Variants in STPG2 observed in about 807,000 individuals in gnomAD.
STPG2 encodes sperm-tail PG-rich repeat-containing protein 2.
A neutral mutation model predicts 54.2 loss-of-function variants in STPG2; 56 were observed. The ratio of observed to expected loss-of-function variants is 1.03; its 90% CI spans 0.83 to 1.29. The LOEUF is 1.29. Among genes scored for constraint, STPG2 ranks in the 50% most tolerant of loss-of-function variants. STPG2 has a pLI of 0.00. For missense variants in STPG2, 596 were observed against 544.9 expected, an observed-to-expected ratio of 1.09 and a Z score of -0.93; for synonymous variants, 200 against 181.8, an observed-to-expected ratio of 1.10 and a Z score of -0.81.
chr4:97,535,995 T>C (rs369972202), intron 4 of STPG2, among the ~76,000 whole-genome samples: 1 of 152,106 alleles, frequency 6.6e-6, no homozygotes, highest in Non-Finnish European at 1.5e-5. Flanking sequence ...AGACAGGGCC[T>C]GGCTATGTTT....
chr4:97,929,951 G>A lies in STPG2; in HGVS notation c.1044+13946C>T, dbSNP rs148660404. On this transcript the variant is annotated intron_variant, in intron 8 of 10. Transcript: ENST00000295268. ...AGTTTTACCCTATCACCAGGCTGGA[G>A]TGCACTGGCATGATCTCAGCTCACT... Among the ~76,000 whole-genome samples, 651 of 152,184 alleles carry A rather than the reference G, an allele frequency of 4.3e-3. 5 individuals carry two copies. The highest frequency in any genetic ancestry group is 6.6e-3 in the Non-Finnish European group (447 of 68,000).
rs1730709465 is a variant in STPG2, at chr4:97,890,003, AGG to A, written c.1045-49073_1045-49072del. ...AATTTGAAATACATTAGAAGATAAAAGGAAAATTAAAGACATAAGGAGCTATT... is the reference window on the plus strand; with the variant it reads ...AATTTGAAATACATTAGAAGATAAAAAAAATTAAAGACATAAGGAGCTATT... On this transcript the variant is annotated intron_variant, in intron 8 of 10. Coordinates refer to ENST00000295268, the MANE Select transcript of STPG2 (RefSeq NM_174952.3). 3.3e-5 allele frequency among the ~76,000 whole-genome samples: 5 copies of A among 152,318 alleles called. No individual in the cohort carries two copies. In the South Asian group the frequency reaches 1.0e-3, roughly 32 times the overall value.
intron 10 of STPG2, among the ~76,000 whole-genome samples, chr4:97,671,614 CATCA>C (rs1257312680): frequency 3.9e-5 from 6 of 152,170 alleles, no homozygotes. Context: ...AACATGCAGA[CATCA>C]ATCATTCAAT....
At chr4:98,116,532 A>G (rs747465661) in intron 3 of STPG2, among the ~76,000 whole-genome samples, 5 of 151,880 alleles carry the variant, frequency 3.3e-5, no homozygotes, top group Non-Finnish European at 7.4e-5. Context: ...CTTGTCCGTC[A>G]CCTTGGGGAG....
chr4:97,528,896 G>C (rs1731349628), intron 4 of STPG2, among the ~76,000 whole-genome samples: 1 of 152,164 alleles, frequency 6.6e-6, no homozygotes, highest in South Asian at 2.1e-4. Flanking sequence ...AGATGATGGA[G>C]TTTTCTAAAT....
chr4:98,109,390 A>C (rs1739281766), intron 3 of STPG2, 85 bp from the exon 4 acceptor site: 1 of 991,956 alleles, frequency 1.0e-6, no homozygotes, highest in Non-Finnish European at 1.5e-6. Context: ...CCTAAGTCTA[A>C]ATCTAAAGCA....
intron 5 of STPG2, among the ~76,000 whole-genome samples, chr4:98,053,192 TA>T (rs1179147627): frequency 6.6e-6 from 1 of 152,104 alleles, no homozygotes; most frequent in African/African-American, 2.4e-5. Flanking sequence ...AAAAAATAAT[TA>T]AAGTGGTATA....
At chr4:97,628,578 A>G (rs918165114) in intron 10 of STPG2, among the ~76,000 whole-genome samples, 6 of 152,136 alleles carry the variant, frequency 3.9e-5, no homozygotes, top group African/African-American at 1.4e-4. Context: ...TTAGCAATTA[A>G]TGTGTTACTA....
rs189473264 is a variant in STPG2 at position 97,446,487 on chromosome 4, G to A, written c.463-258654C>T. On this transcript the variant is annotated intron_variant, in intron 4 of 4. Transcript: ENST00000522676. ...TTAACTTATGGATTATAAAAATGTA[G>A]TAACCATATAACTTAGGGAGGACAG... is the stretch of plus-strand genomic sequence containing the variant. 1.1e-3 allele frequency among the ~76,000 whole-genome samples: 175 copies of A among 152,292 alleles called. 1 individual carries two copies. Among genetic ancestry groups the A allele is most frequent in the Admixed American group, 6.5e-3 (99 of 15,290 alleles).
chr4:97,945,239 T>G (rs1733162532), intron 7 of STPG2, among the ~76,000 whole-genome samples: 1 of 152,050 alleles, frequency 6.6e-6, no homozygotes, highest in Non-Finnish European at 1.5e-5. Flanking sequence ...GTCTCCAAAG[T>G]CCATTATATC....
chr4:97,604,758 G>A (rs1733552021), intron 10 of STPG2, among the ~76,000 whole-genome samples: 2 of 151,652 alleles, frequency 1.3e-5, no homozygotes, highest in African/African-American at 4.8e-5. Context: ...AGGTCTGGCT[G>A]CCAAAAAGGC....
chr4:97,840,988 G>A, intron 8 of STPG2, 56 bp from the exon 9 acceptor site: 1 of 1,533,418 alleles, frequency 6.5e-7, no homozygotes, highest in Non-Finnish European at 8.9e-7. Context: ...AAATATCCAA[G>A]AAGATACCAG....
intron 5 of STPG2, among the ~76,000 whole-genome samples, chr4:98,046,654 T>TA (rs1312947584): frequency 1.3e-5 from 2 of 152,162 alleles, no homozygotes; most frequent in Non-Finnish European, 2.9e-5. Flanking sequence ...GTTGAGGAGT[T>TA]AGACATGTGT....
chr4:97,754,852 G>A (rs1233801821), intron 9 of STPG2, among the ~76,000 whole-genome samples: 1 of 151,994 alleles, frequency 6.6e-6, no homozygotes, highest in Non-Finnish European at 1.5e-5. Flanking sequence ...TTAAGAATAA[G>A]GGATTATGCA....
rs568996473 is a variant in STPG2 at position 97,925,528 on chromosome 4, A to T, written c.1044+18369T>A. Among the ~76,000 whole-genome samples, 12 of 152,340 alleles carry T rather than the reference A, an allele frequency of 7.9e-5. No individual in the cohort carries two copies. The South Asian group carries it at 1.4e-3, about 18-fold the overall frequency. On this transcript the variant is annotated intron_variant, in intron 8 of 10. Transcript: ENST00000295268. ...TGATGGCCCTGCAGTAAGAAAATTT[A>T]TTATAATGTGCTGTCTCCCATCAGT...
At chr4:98,091,871 G>T (rs769953850) in intron 5 of STPG2, among the ~76,000 whole-genome samples, 1 of 152,024 alleles carries the variant, frequency 6.6e-6, no homozygotes, top group East Asian at 1.9e-4. Flanking sequence ...TTGAGGCTTA[G>T]AATAGCAAAA....
intron 9 of STPG2, among the ~76,000 whole-genome samples, chr4:97,778,357 C>T (rs751958586): frequency 6.6e-6 from 1 of 152,118 alleles, no homozygotes; most frequent in Non-Finnish European, 1.5e-5. Flanking sequence ...AGTCTGAGAT[C>T]GAATGGCAAG....
intron 10 of STPG2, among the ~76,000 whole-genome samples, chr4:97,631,394 T>C (rs966350266): frequency 6.6e-6 from 1 of 152,024 alleles, no homozygotes; most frequent in African/African-American, 2.4e-5. Flanking sequence ...TCGTAACAAT[T>C]CTGAAGTTAA....
rs371716988 is a variant in STPG2 at position 97,722,922 on chromosome 4, T to C, written c.1205-10108A>G. 1.3e-4 allele frequency among the ~76,000 whole-genome samples: 19 copies of C among 150,860 alleles called. No homozygotes were observed. The East Asian group carries it at 3.7e-3, about 29-fold the overall frequency. On this transcript the variant is annotated intron_variant, in intron 9 of 10. Coordinates refer to ENST00000295268, the MANE Select transcript of STPG2 (RefSeq NM_174952.3). ...ACGCCATTCTCCTGCCTCAGCCTCCTGAGTAGCTGGGACTACAGGTGCCCA... is the reference window on the plus strand; with the variant it reads ...ACGCCATTCTCCTGCCTCAGCCTCCCGAGTAGCTGGGACTACAGGTGCCCA...
Sources: allele counts gnomAD v4.1 joint callset (sites outside exome capture counted in the v4.1 genomes callset), GRCh38; gene constraint gnomAD v4.1.1; transcripts MANE v1.5; gene names NCBI Gene and HGNC (gene_info 2026-07-23, HGNC 2026-07-21).